The following PCDH15 variants were observed in gnomAD, a reference collection of about 807,000 sequenced individuals.
PCDH15 encodes protocadherin-15.
Under a neutral mutation model 178.5 loss-of-function variants are expected in PCDH15, and 129 were observed. The observed-to-expected ratio is 0.72, with a 90% CI of 0.63 to 0.84. The LOEUF (loss-of-function observed/expected upper bound fraction) is 0.84. Among genes scored for constraint, PCDH15 ranks in the 40% least tolerant of loss-of-function variants. The pLI, the probability that PCDH15 is intolerant of heterozygous loss-of-function variation, is 0.00. For missense variants in PCDH15, 2,230 were observed against 2,099.9 expected, an observed-to-expected ratio of 1.06 and a Z score of -1.21; for synonymous variants, 800 against 732.0, an observed-to-expected ratio of 1.09 and a Z score of -1.50.
At chr10:54,663,734 G>T (rs2094527308) in intron 2 of PCDH15, among the ~76,000 whole-genome samples, 1 of 150,156 alleles carries the variant, frequency 6.7e-6, no homozygotes, top group Non-Finnish European at 1.5e-5. Flanking sequence ...GCAATGCCCA[G>T]TTAAAGTGCC....
At chr10:53,810,514 T>C in intron 37 of PCDH15, 42 bp downstream of exon 37, 8 of 1,561,990 alleles carry the variant, frequency 5.1e-6, no homozygotes, top group Non-Finnish European at 7.0e-6. Context: ...AACAATATTT[T>C]TCTTGGAATA....
intron 18 of PCDH15, among the ~76,000 whole-genome samples, chr10:54,027,964 T>C (rs2135386793): frequency 6.6e-6 from 1 of 151,250 alleles, no homozygotes; most frequent in East Asian, 1.9e-4. Context: ...ACTCAAGAGC[T>C]TCTGCACAGC....
chr10:54,901,058 A>G (rs943152999), intron 2 of PCDH15, among the ~76,000 whole-genome samples: 3 of 152,104 alleles, frequency 2.0e-5, no homozygotes, highest in African/African-American at 7.2e-5. Context: ...TCGTGCCTGC[A>G]ATCCCAACAT....
chr10:55,420,867 T>C (rs1044359664), intron 2 of PCDH15, among the ~76,000 whole-genome samples: 4 of 151,588 alleles, frequency 2.6e-5, no homozygotes, highest in African/African-American at 9.7e-5. Context: ...ACTTACCACG[T>C]AGAAAAATGA....
At chr10:54,278,647 T>C (rs2058487808) in intron 8 of PCDH15, among the ~76,000 whole-genome samples, 1 of 151,536 alleles carries the variant, frequency 6.6e-6, no homozygotes, top group Admixed American at 6.6e-5. Context: ...TTGGTATTTC[T>C]GAAGAAGCAC....
chr10:55,070,759 G>C (rs1305490988), intron 2 of PCDH15, among the ~76,000 whole-genome samples: 1 of 152,072 alleles, frequency 6.6e-6, no homozygotes, highest in East Asian at 1.9e-4. Flanking sequence ...TGGTGATGTG[G>C]GCTCTTTTTT....
chr10:55,030,022 T>A (rs1351735645), intron 2 of PCDH15, among the ~76,000 whole-genome samples: 2 of 152,180 alleles, frequency 1.3e-5, no homozygotes, highest in African/African-American at 4.8e-5. Flanking sequence ...ATTTCTTCAA[T>A]TATTCTTTAA....
chr10:54,849,285 A>G (rs1056947174), intron 3 of PCDH15, among the ~76,000 whole-genome samples: 2 of 152,168 alleles, frequency 1.3e-5, no homozygotes, highest in African/African-American at 4.8e-5. Context: ...TCTTCTGCTT[A>G]CTACTGAGCC....
intron 8 of PCDH15, among the ~76,000 whole-genome samples, chr10:54,264,769 A>T (rs1240951947): frequency 2.0e-5 from 3 of 152,214 alleles, no homozygotes; most frequent in Non-Finnish European, 4.4e-5. Context: ...TTATGTAAAG[A>T]AACCAATTCT....
At chr10:53,820,460 A>ACTT (rs2076219197) in intron 32 of PCDH15, among the ~76,000 whole-genome samples, 1 of 152,040 alleles carries the variant, frequency 6.6e-6, no homozygotes, top group Non-Finnish European at 1.5e-5. Context: ...GGGGCTCTCA[A>ACTT]CTTATATTCA....
At chr10:54,178,992 T>C (rs2047714753) in intron 13 of PCDH15, among the ~76,000 whole-genome samples, 1 of 152,162 alleles carries the variant, frequency 6.6e-6, no homozygotes, top group Non-Finnish European at 1.5e-5. Context: ...AGTTCAACCA[T>C]TGTGGAAGTC....
At chr10:54,444,620 A>G (rs975647378) in intron 3 of PCDH15, among the ~76,000 whole-genome samples, 5 of 151,674 alleles carry the variant, frequency 3.3e-5, no homozygotes, top group African/African-American at 1.2e-4. Flanking sequence ...CTCTAAGCTA[A>G]AACACTCATA....
At chr10:54,530,159 C>T (rs1436363324) in intron 2 of PCDH15, among the ~76,000 whole-genome samples, 1 of 152,108 alleles carries the variant, frequency 6.6e-6, no homozygotes, top group Non-Finnish European at 1.5e-5. Flanking sequence ...ATAATATCTT[C>T]ATATTCCAGC....
At chr10:54,290,152 C>T (rs748853763) in intron 8 of PCDH15, among the ~76,000 whole-genome samples, 26 of 152,224 alleles carry the variant, frequency 1.7e-4, no homozygotes, top group South Asian at 8.3e-4. Context: ...AGAGAAAGGT[C>T]GAGTTACCCA....
intron 1 of PCDH15, among the ~76,000 whole-genome samples, chr10:55,288,305 T>C (rs1842924318): frequency 6.6e-6 from 1 of 151,306 alleles, no homozygotes; most frequent in Non-Finnish European, 1.5e-5. Context: ...TATTGTAGGA[T>C]GTAAGCATCT....
At chr10:54,972,770 A>G (rs1455040731) in intron 2 of PCDH15, among the ~76,000 whole-genome samples, 1 of 145,154 alleles carries the variant, frequency 6.9e-6, no homozygotes, top group Non-Finnish European at 1.5e-5. Flanking sequence ...AATCACTTGA[A>G]CCCAGGAGAC....
chr10:55,627,144 C>G (rs1448888909), intron 2 of PCDH15, among the ~76,000 whole-genome samples: 3 of 151,778 alleles, frequency 2.0e-5, no homozygotes, highest in African/African-American at 7.3e-5. Context: ...CCCCCACCCC[C>G]TCCCCGTTTA....
At chr10:54,061,816 T>C (rs1390256507) in intron 18 of PCDH15, among the ~76,000 whole-genome samples, 1 of 92,142 alleles carries the variant, frequency 1.1e-5, no homozygotes, top group Non-Finnish European at 2.2e-5. Flanking sequence ...TTAAAAATTG[T>C]TGATTGGTAG....
intron 9 of PCDH15, among the ~76,000 whole-genome samples, chr10:54,232,780 C>T (rs575444880): frequency 5.3e-5 from 8 of 152,084 alleles, no homozygotes; most frequent in African/African-American, 1.7e-4. Flanking sequence ...CCTGGTCAGT[C>T]TAGCTAGAGG....
Sources: allele counts gnomAD v4.1 joint callset (sites outside exome capture counted in the v4.1 genomes callset), GRCh38; gene constraint gnomAD v4.1.1; transcripts MANE v1.5; gene names NCBI Gene and HGNC (gene_info 2026-07-23, HGNC 2026-07-21).